Variants in SIL1 observed in about 807,000 individuals in gnomAD.
The protein encoded by SIL1 is SIL1 nucleotide exchange factor.
A neutral mutation model predicts 49.1 loss-of-function variants in SIL1; 40 were observed. The observed-to-expected ratio is 0.81, with a 90% CI of 0.63 to 1.06. SIL1 has a LOEUF of 1.06. Ranked by LOEUF, SIL1 falls within the 50% of genes least tolerant of loss-of-function variation. The pLI is 0.00. For synonymous variants in SIL1, 253 were observed against 250.8 expected (o/e 1.01, Z -0.08); for missense variants, 500 against 572.6 (o/e 0.87, Z 1.29).
intron 1 of SIL1, among the ~76,000 whole-genome samples, chr5:139,167,584 T>A (rs1387853886): frequency 2.0e-5 from 3 of 152,264 alleles, no homozygotes; most frequent in African/African-American, 7.2e-5. Flanking sequence ...TTTAAGCTGT[T>A]ATTATGAGTC....
At chr5:139,041,172 A>G (rs1182293400) in intron 5 of SIL1, among the ~76,000 whole-genome samples, 1 of 152,126 alleles carries the variant, frequency 6.6e-6, no homozygotes, top group Non-Finnish European at 1.5e-5. Flanking sequence ...TGGCTAATAC[A>G]TCTGTGGTAG....
In SIL1 at chr5:139,121,066, G is replaced by GT; in HGVS notation, c.212dup (p.His71GlnfsTer5). 4 of 1,614,174 alleles carry GT rather than the reference G, an allele frequency of 2.5e-6. No individual in the cohort carries two copies. The highest frequency in any genetic ancestry group is 3.4e-6 in the Non-Finnish European group (4 of 1,180,048). On this transcript the variant is annotated frameshift_variant, in exon 3 of 10. Transcript: ENST00000394817. LOFTEE classifies it high-confidence loss of function. The stretch of plus-strand genomic sequence containing the variant: ...GAAGGGCCTGCCACTCATGCGTCGG[G>GT]TGGAACACCTCCAGGACTTCGGCAT...
chr5:139,172,467 A>G (rs978557174), intron 1 of SIL1, among the ~76,000 whole-genome samples: 12 of 152,010 alleles, frequency 7.9e-5, no homozygotes, highest in African/African-American at 2.4e-4. Context: ...CCCTGTCTCT[A>G]CTAAAAATAC....
chr5:139,082,108 A>C (rs985885433), intron 3 of SIL1, among the ~76,000 whole-genome samples: 2 of 152,198 alleles, frequency 1.3e-5, no homozygotes, highest in African/African-American at 4.8e-5. Flanking sequence ...CACAACAATC[A>C]TATGGGGCAG....
intron 7 of SIL1, among the ~76,000 whole-genome samples, chr5:138,996,108 TCATA>T (rs1260336185): frequency 2.0e-5 from 3 of 152,224 alleles, no homozygotes; most frequent in African/African-American, 4.8e-5. Flanking sequence ...TGAGGAAACT[TCATA>T]CAGTTTTCCA....
chr5:139,073,791 T>C (rs926662075), intron 3 of SIL1, among the ~76,000 whole-genome samples: 1 of 151,824 alleles, frequency 6.6e-6, no homozygotes, highest in Non-Finnish European at 1.5e-5. Flanking sequence ...CCAGGCTTGG[T>C]GGTGGGCACC....
Position 139,057,314 on chromosome 5 carries a change from T to TTAAAAAAAAAAAAAAAAAAAAAA in SIL1, c.245-6269_245-6268insTTTTTTTTTTTTTTTTTTTTTTA, listed in dbSNP as rs781049621. 1.1e-3 allele frequency among the ~76,000 whole-genome samples: 79 copies of TTAAAAAAAAAAAAAAAAAAAAAA among 73,194 alleles called. 10 individuals are homozygous for TTAAAAAAAAAAAAAAAAAAAAAA. The highest frequency in any genetic ancestry group is 1.4e-3 in the Admixed American group (11 of 7,954). The allele number at this position is 73,194 out of a possible 152,430, so 48.0% of individuals were successfully genotyped here. A position where few individuals can be genotyped will look rare whatever the true frequency, so the allele number is the denominator to read the frequency against. On this transcript the variant is annotated intron_variant, in intron 3 of 9. Coordinates refer to ENST00000394817, the MANE Select transcript of SIL1 (RefSeq NM_022464.5). Reference sequence around the variant, plus strand: ...GCGAGAAACACCCAAGAATGATCAATAAAAAAAAAAAAAAGAAAAGAAAAG... The same window carrying TTAAAAAAAAAAAAAAAAAAAAAA: ...GCGAGAAACACCCAAGAATGATCAATTAAAAAAAAAAAAAAAAAAAAAAAAAAAAAAAAAAAAGAAAAGAAAAG...
At chr5:139,059,209 A>G (rs1769528473) in intron 3 of SIL1, among the ~76,000 whole-genome samples, 3 of 152,216 alleles carry the variant, frequency 2.0e-5, no homozygotes, top group African/African-American at 7.2e-5. Flanking sequence ...GTAGGAGGTA[A>G]TTAAATCATG....
chr5:138,949,303 A>C (rs775079345), intron 9 of SIL1, among the ~76,000 whole-genome samples: 1 of 152,190 alleles, frequency 6.6e-6, no homozygotes, highest in African/African-American at 2.4e-5. Context: ...TCACAGGCCA[A>C]GGTACATATG....
chr5:139,005,228 T>G (rs1020251389), intron 7 of SIL1, among the ~76,000 whole-genome samples: 1 of 146,626 alleles, frequency 6.8e-6, no homozygotes, highest in African/African-American at 2.5e-5. Context: ...AATAAATACA[T>G]ATAATTTTAT....
chr5:139,019,758 G>A (rs2150426992), intron 7 of SIL1, among the ~76,000 whole-genome samples: 1 of 152,250 alleles, frequency 6.6e-6, no homozygotes, highest in South Asian at 2.1e-4. Flanking sequence ...AGAAGCAACG[G>A]CAAGGGACGT....
At chr5:139,107,244 T>C (rs370177129) in intron 3 of SIL1, among the ~76,000 whole-genome samples, 3 of 152,194 alleles carry the variant, frequency 2.0e-5, no homozygotes, top group African/African-American at 7.2e-5. Context: ...CCTTCTGACA[T>C]GGGAGGCAAG....
chr5:139,015,395 T>C (rs1179189829), intron 7 of SIL1, among the ~76,000 whole-genome samples: 1 of 152,156 alleles, frequency 6.6e-6, no homozygotes, highest in Non-Finnish European at 1.5e-5. Flanking sequence ...TGAATTCATA[T>C]CAATATGAAT....
At chr5:138,956,444 G>T (rs1386640258) in intron 7 of SIL1, among the ~76,000 whole-genome samples, 1 of 152,166 alleles carries the variant, frequency 6.6e-6, no homozygotes, top group Non-Finnish European at 1.5e-5. Context: ...TAATCAATCA[G>T]TTAAGATACA....
chr5:139,089,520 GTTTC>G (rs776799801), intron 3 of SIL1, among the ~76,000 whole-genome samples: 3 of 139,014 alleles, frequency 2.2e-5, no homozygotes, highest in Non-Finnish European at 3.3e-5. Context: ...TTTATAAATA[GTTTC>G]TTTTTGTTAA....
chr5:139,017,267 A>G (rs1335980973), intron 7 of SIL1: 2 of 152,254 alleles, frequency 1.3e-5, no homozygotes, highest in African/African-American at 4.8e-5. Flanking sequence ...GGATACGTTC[A>G]TTTTATAAAG....
intron 7 of SIL1, among the ~76,000 whole-genome samples, chr5:139,015,340 T>C (rs1768375759): frequency 6.6e-6 from 1 of 152,178 alleles, no homozygotes; most frequent in African/African-American, 2.4e-5. Flanking sequence ...AACAGGATTT[T>C]TTTTTCATTT....
chr5:139,057,974 G>A (rs1769493825), intron 3 of SIL1, among the ~76,000 whole-genome samples: 1 of 152,080 alleles, frequency 6.6e-6, no homozygotes, highest in South Asian at 2.1e-4. Flanking sequence ...ACCTCCTAAA[G>A]GCCCCACCTT....
chr5:139,171,439 C>T (rs1234913157), intron 1 of SIL1, among the ~76,000 whole-genome samples: 6 of 152,310 alleles, frequency 3.9e-5, no homozygotes, highest in South Asian at 4.1e-4. Context: ...GCTGTGTCCA[C>T]TCAGGGTTAA....
Sources: allele counts gnomAD v4.1 joint callset (sites outside exome capture counted in the v4.1 genomes callset), GRCh38; gene constraint gnomAD v4.1.1; transcripts MANE v1.5; gene names NCBI Gene and HGNC (gene_info 2026-07-23, HGNC 2026-07-21).